SDK1: variants seen among roughly 807,000 people sequenced by gnomAD.
SDK1 encodes sidekick cell adhesion molecule 1.
In SDK1, 157 loss-of-function variants were observed where a neutral mutation model predicts 245.5. The ratio of observed to expected loss-of-function variants is 0.64; its 90% CI spans 0.56 to 0.73. The LOEUF (loss-of-function observed/expected upper bound fraction) is 0.73, where lower values mean the gene tolerates loss of function less well. Among genes scored for constraint, SDK1 ranks in the 30% least tolerant of loss-of-function variants. The pLI is 0.00. For missense variants in SDK1, 3,583 were observed against 3,002.3 expected, an observed-to-expected ratio of 1.19 and a Z score of -4.52; for synonymous variants, 1,647 against 1,278.5, an observed-to-expected ratio of 1.29 and a Z score of -6.15.
chr7:3,749,984 G>A (rs1389549905), intron 4 of SDK1, among the ~76,000 whole-genome samples: 2 of 152,202 alleles, frequency 1.3e-5, no homozygotes, highest in Non-Finnish European at 2.9e-5. Context: ...TTCACACTTT[G>A]TAATACAAAG....
chr7:3,832,633 G>A (rs574690802), intron 5 of SDK1, among the ~76,000 whole-genome samples: 23 of 152,234 alleles, frequency 1.5e-4, no homozygotes, highest in African/African-American at 4.6e-4. Context: ...AGAACACTTC[G>A]TATCTGAGAT....
chr7:4,196,776 A>G (rs928587258), intron 35 of SDK1, among the ~76,000 whole-genome samples: 32 of 152,332 alleles, frequency 2.1e-4, no homozygotes, highest in African/African-American at 7.2e-4. Flanking sequence ...CATCCCAGGC[A>G]CACAGATCCT....
chr7:3,538,339 G>A (rs1286121194), intron 1 of SDK1, among the ~76,000 whole-genome samples: 1 of 151,934 alleles, frequency 6.6e-6, no homozygotes, highest in African/African-American at 2.4e-5. Context: ...AAAATCCTGT[G>A]CTTTTTTTTT....
intron 28 of SDK1, among the ~76,000 whole-genome samples, chr7:4,136,966 C>T (rs374023717): frequency 1.3e-5 from 2 of 152,174 alleles, no homozygotes; most frequent in East Asian, 1.9e-4. Context: ...CAGTGGCTTG[C>T]GGGTTCTCTG....
chr7:3,879,949 A>G (rs918326056), intron 5 of SDK1, among the ~76,000 whole-genome samples: 1 of 151,950 alleles, frequency 6.6e-6, no homozygotes, highest in African/African-American at 2.4e-5. Flanking sequence ...GCAGAATTTT[A>G]ATCACTTGAG....
At chr7:3,534,129 C>T (rs1265564908) in intron 1 of SDK1, among the ~76,000 whole-genome samples, 1 of 152,194 alleles carries the variant, frequency 6.6e-6, no homozygotes, top group East Asian at 1.9e-4. Flanking sequence ...TTAGGAAGCT[C>T]ATTGAAGTGA....
chr7:3,974,707 T>A lies in SDK1; in HGVS notation c.1994+162T>A, dbSNP rs1274139202. The A allele has an allele frequency of 2.7e-5, 16 of 594,262 alleles. No homozygotes were observed. In the East Asian group the frequency reaches 4.4e-4, roughly 16 times the overall value. The allele number at this position is 594,262 out of a possible 1,614,324, so 36.8% of individuals were successfully genotyped here. ...GCATAACTACATATATGGACAAGGT[T>A]TTTTTGTGGTTTCTTTCAACTTCGG... On this transcript the variant is annotated intron_variant, in intron 13 of 44. Coordinates refer to ENST00000404826, the MANE Select transcript of SDK1 (RefSeq NM_152744.4).
intron 4 of SDK1, among the ~76,000 whole-genome samples, chr7:3,699,684 A>C (rs1425510824): frequency 6.6e-6 from 1 of 152,236 alleles, no homozygotes; most frequent in Non-Finnish European, 1.5e-5. Flanking sequence ...GTCAGTATCC[A>C]AGAAGAAGAG....
At chr7:3,405,180 AAAC>A (rs1562466962) in intron 1 of SDK1, among the ~76,000 whole-genome samples, 1 of 147,250 alleles carries the variant, frequency 6.8e-6, no homozygotes, top group African/African-American at 2.6e-5. Context: ...ACAAAAACAA[AAAC>A]AAAAAACACT....
At chr7:3,595,519 AACTC>A (rs1191915741) in intron 1 of SDK1, among the ~76,000 whole-genome samples, 3 of 152,148 alleles carry the variant, frequency 2.0e-5, no homozygotes, top group Admixed American at 6.5e-5. Context: ...TATTTAATAA[AACTC>A]ACCAGCACTA....
At chr7:3,469,157 A>T (rs1315820076) in intron 1 of SDK1, among the ~76,000 whole-genome samples, 2 of 152,160 alleles carry the variant, frequency 1.3e-5, no homozygotes, top group Non-Finnish European at 2.9e-5. Flanking sequence ...TCCCCAAAGG[A>T]CACACCTGTA....
Position 4,145,931 on chromosome 7 carries a change from GA to G in SDK1, c.4423+16del, listed in dbSNP as rs1181847850. The G allele has an allele frequency of 6.3e-7, 1 of 1,585,558 alleles. No individual in the cohort carries two copies. The highest frequency in any genetic ancestry group is 8.6e-7 in the Non-Finnish European group (1 of 1,166,262). Reference sequence around the variant, plus strand: ...CGAGAAGAGAGGTAAGACCTTGGGGGACCCGGGGGTACTGCAGATGTTGTGG... The same window carrying G: ...CGAGAAGAGAGGTAAGACCTTGGGGGCCCGGGGGTACTGCAGATGTTGTGG... On this transcript the variant is annotated intron_variant, in intron 29 of 44. Transcript: ENST00000404826.
intron 1 of SDK1, among the ~76,000 whole-genome samples, chr7:3,497,621 G>C (rs1782066285): frequency 2.0e-5 from 3 of 152,154 alleles, no homozygotes; most frequent in African/African-American, 7.2e-5. Flanking sequence ...TATCCTCCCT[G>C]ATATCAGACA....
chr7:4,123,257 A>G (rs2128195022), intron 25 of SDK1, among the ~76,000 whole-genome samples: 1 of 152,344 alleles, frequency 6.6e-6, no homozygotes, highest in Non-Finnish European at 1.5e-5. Context: ...ACCTGGTACC[A>G]ACGTCTTGGG....
chr7:3,350,971 C>G (rs534376503), intron 1 of SDK1, among the ~76,000 whole-genome samples: 4 of 152,314 alleles, frequency 2.6e-5, no homozygotes, highest in African/African-American at 9.6e-5. Context: ...TTAGTGACAT[C>G]TGGTTGCCCC....
intron 42 of SDK1, 69 bp downstream of exon 42, chr7:4,237,853 C>T (rs560612984): frequency 4.5e-6 from 7 of 1,562,416 alleles, no homozygotes; most frequent in Non-Finnish European, 4.4e-6. Context: ...TTCGTTCTCT[C>T]GTGGATCTGC....
At chr7:3,444,893 A>G (rs1327675950) in intron 1 of SDK1, among the ~76,000 whole-genome samples, 2 of 152,220 alleles carry the variant, frequency 1.3e-5, no homozygotes, top group African/African-American at 2.4e-5. Context: ...ACAAAAATGT[A>G]AGGTCTATGT....
intron 4 of SDK1, among the ~76,000 whole-genome samples, chr7:3,723,086 T>C (rs964697756): frequency 3.3e-5 from 5 of 152,242 alleles, no homozygotes; most frequent in African/African-American, 1.2e-4. Flanking sequence ...AGCATATCTG[T>C]GTTAGGAAAG....
chr7:4,113,935 T>A (rs1323151563), intron 24 of SDK1, 102 bp from the exon 25 acceptor site: 6 of 824,854 alleles, frequency 7.3e-6, no homozygotes, highest in Admixed American at 4.5e-5. Flanking sequence ...CAGGAACACC[T>A]CCTCCACGGA....
Sources: allele counts gnomAD v4.1 joint callset (sites outside exome capture counted in the v4.1 genomes callset), GRCh38; gene constraint gnomAD v4.1.1; transcripts MANE v1.5; gene names NCBI Gene and HGNC (gene_info 2026-07-23, HGNC 2026-07-21).